Variants in TPST1 observed in about 807,000 individuals in gnomAD.
TPST1 encodes tyrosylprotein sulfotransferase 1.
Under a neutral mutation model 34.8 loss-of-function variants are expected in TPST1, and 20 were observed. The observed-to-expected ratio is 0.57, with a 90% CI of 0.40 to 0.84. The LOEUF is 0.84. Among genes scored for constraint, TPST1 ranks in the 40% least tolerant of loss-of-function variants. The pLI, the probability that TPST1 is intolerant of heterozygous loss-of-function variation, is 0.00. For synonymous variants in TPST1, 152 were observed against 159.4 expected, an observed-to-expected ratio of 0.95 and a Z score of 0.35; for missense variants, 353 against 455.5, an observed-to-expected ratio of 0.78 and a Z score of 2.05.
At position 66,356,815 on chromosome 7, in the gene TPST1, C is replaced by G. The variant is rs760352503; in HGVS notation, c.1096-10C>G. On this transcript the variant is annotated splice_polypyrimidine_tract_variant and intron_variant, in intron 4 of 5. Coordinates refer to ENST00000304842, the MANE Select transcript of TPST1 (RefSeq NM_003596.4). The stretch of plus-strand genomic sequence containing the variant: ...AAGGACATTAAAACATCTTTTCTTT[C>G]CTTCAACAGACTGAGCAAGTGGAGT... 1 of 1,614,160 alleles carries G rather than the reference C, an allele frequency of 6.2e-7. No homozygotes were observed. The highest frequency in any genetic ancestry group is 2.2e-5 in the East Asian group (1 of 44,878).
chr7:66,226,353 A>G (rs1339079557), intron 1 of TPST1, among the ~76,000 whole-genome samples: 1 of 152,192 alleles, frequency 6.6e-6, no homozygotes, highest in African/African-American at 2.4e-5. Flanking sequence ...TTTGAAGAAT[A>G]GGTAAGATTT....
intron 1 of TPST1, among the ~76,000 whole-genome samples, chr7:66,230,579 C>G (rs144934448): frequency 6.6e-6 from 1 of 151,978 alleles, no homozygotes. Flanking sequence ...TCGTTCCTCC[C>G]GGTGGGCTTG....
intron 3 of TPST1, among the ~76,000 whole-genome samples, chr7:66,345,016 G>A (rs754904529): frequency 1.9e-4 from 29 of 151,208 alleles, no homozygotes; most frequent in Non-Finnish European, 3.4e-4. Context: ...GAGCCACCGC[G>A]CCTGGCCAAT....
At chr7:66,212,426 T>G (rs181406337) in intron 1 of TPST1, among the ~76,000 whole-genome samples, 1 of 151,554 alleles carries the variant, frequency 6.6e-6, no homozygotes, top group East Asian at 1.9e-4. Context: ...CTGTGATTGC[T>G]CATATATTGA....
At chr7:66,327,735 AAGTG>A (rs1791896445) in intron 3 of TPST1, among the ~76,000 whole-genome samples, 1 of 96,364 alleles carries the variant, frequency 1.0e-5, no homozygotes, top group Non-Finnish European at 2.2e-5. Context: ...AAAAAAAAAA[AAGTG>A]CGTGTGTGTG....
At chr7:66,305,794 G>GTAAATATAGT (rs1791411105) in intron 3 of TPST1, among the ~76,000 whole-genome samples, 1 of 152,214 alleles carries the variant, frequency 6.6e-6, no homozygotes, top group South Asian at 2.1e-4. Context: ...AGTGAATATA[G>GTAAATATAGT]GGCTATTTCG....
chr7:66,278,499 A>T (rs1241420868), intron 2 of TPST1, among the ~76,000 whole-genome samples: 1 of 151,956 alleles, frequency 6.6e-6, no homozygotes, highest in Non-Finnish European at 1.5e-5. Context: ...AAAGAAAGAC[A>T]TTGGGCCGGG....
rs537737797 is a variant in TPST1 at position 66,234,367 on chromosome 7, C to A, written c.-101-5958C>A. Among the ~76,000 whole-genome samples the A allele has an allele frequency of 1.6e-4, 22 of 135,796 alleles. 1 individual carries two copies. In the South Asian group the frequency reaches 5.0e-3, roughly 31 times the overall value. 89.1% of individuals were successfully genotyped at this position (135,796 alleles called of 152,430 possible). ...TAGTTAGAAAAGCAACATACAAGTTCTTTAAAGCAAGCTTGAAAAATAAAA... is the reference window on the plus strand; with the variant it reads ...TAGTTAGAAAAGCAACATACAAGTTATTTAAAGCAAGCTTGAAAAATAAAA... On this transcript the variant is annotated intron_variant, in intron 1 of 5. Coordinates refer to ENST00000304842, the MANE Select transcript of TPST1 (RefSeq NM_003596.4).
In TPST1 at chr7:66,205,770, T is replaced by C. The variant is rs2116180579; in HGVS notation, c.-102+248T>C. 1 of 152,650 alleles carries C rather than the reference T, an allele frequency of 6.6e-6. No individual in the cohort carries two copies. Among genetic ancestry groups the C allele is most frequent in the South Asian group, 2.1e-4 (1 of 4,822 alleles). The allele number at this position is 152,650 out of a possible 1,614,324, so 9.5% of individuals were successfully genotyped here. ...CCCGGCCGCCGGGGCCTCTCCCCTC[T>C]GCCCTTTCTCTCCCTTCTCGCAGCC... On this transcript the variant is annotated intron_variant, in intron 1 of 5. Transcript: ENST00000304842. This position sits in a 1 kb window ranked among gnomAD's most constrained non-coding sequence, Gnocchi z 5.0.
At chr7:66,335,931 A>G (rs529863462) in intron 3 of TPST1, among the ~76,000 whole-genome samples, 1 of 152,352 alleles carries the variant, frequency 6.6e-6, no homozygotes, top group South Asian at 2.1e-4. Context: ...ACCAAAAGAA[A>G]CCAACAAAGC....
chr7:66,259,177 T>C (rs181968712), intron 2 of TPST1, among the ~76,000 whole-genome samples: 24 of 152,318 alleles, frequency 1.6e-4, no homozygotes, highest in African/African-American at 4.8e-4. Flanking sequence ...TTGTTTAGCT[T>C]GGTAAATGCT....
chr7:66,356,764 G>A (rs536783616), intron 4 of TPST1, 61 bp from the exon 5 acceptor site: 12 of 1,606,662 alleles, frequency 7.5e-6, no homozygotes, highest in East Asian at 2.2e-5. Context: ...CAGTGGGGAC[G>A]GTCACTTCTC....
chr7:66,334,207 C>A (rs1320829012), intron 3 of TPST1, among the ~76,000 whole-genome samples: 1 of 152,090 alleles, frequency 6.6e-6, no homozygotes, highest in Non-Finnish European at 1.5e-5. Flanking sequence ...CCCACCTCCC[C>A]CTCTGCAGAA....
intron 1 of TPST1, among the ~76,000 whole-genome samples, chr7:66,215,411 G>A (rs1201503342): frequency 1.4e-5 from 2 of 148,022 alleles, no homozygotes; most frequent in Admixed American, 6.8e-5. Context: ...GCCTTGCTCT[G>A]TCGCCCAGGC....
At chr7:66,308,245 A>C (rs1180891931) in intron 3 of TPST1, among the ~76,000 whole-genome samples, 1 of 152,164 alleles carries the variant, frequency 6.6e-6, no homozygotes, top group African/African-American at 2.4e-5. Flanking sequence ...TGATCTCCAG[A>C]AGTTAGCATA....
intron 2 of TPST1, among the ~76,000 whole-genome samples, chr7:66,254,584 A>G (rs1344757024): frequency 6.6e-6 from 1 of 151,878 alleles, no homozygotes; most frequent in Non-Finnish European, 1.5e-5. Flanking sequence ...TTGTATTTTT[A>G]GTAGAGACAG....
At chr7:66,312,860 G>A (rs1172827923) in intron 3 of TPST1, among the ~76,000 whole-genome samples, 4 of 152,064 alleles carry the variant, frequency 2.6e-5, no homozygotes, top group African/African-American at 9.7e-5. Context: ...AGATTTAACT[G>A]GTGACTAATA....
chr7:66,276,524 C>CCAT (rs1159606300), intron 2 of TPST1, among the ~76,000 whole-genome samples: 1 of 151,106 alleles, frequency 6.6e-6, no homozygotes, highest in Non-Finnish European at 1.5e-5. Flanking sequence ...CAGGCATGTG[C>CCAT]CATCATGCCT....
chr7:66,346,184 CATAT>C (rs35882416), intron 3 of TPST1, among the ~76,000 whole-genome samples: 30 of 148,872 alleles, frequency 2.0e-4, no homozygotes, highest in South Asian at 6.4e-4. Context: ...CTGAATAGTA[CATAT>C]ATATATATAT....
Sources: allele counts gnomAD v4.1 joint callset (sites outside exome capture counted in the v4.1 genomes callset), GRCh38; gene constraint gnomAD v4.1.1; non-coding constraint Gnocchi (gnomAD v3.1); transcripts MANE v1.5; gene names NCBI Gene and HGNC (gene_info 2026-07-23, HGNC 2026-07-21).